The following KCNIP4 variants were observed in gnomAD, a reference collection of about 807,000 sequenced individuals.
The protein encoded by KCNIP4 is Kv channel-interacting protein 4.
KCNIP4 carries 12 observed loss-of-function variants against 34.0 expected under a neutral mutation model. That is an observed-to-expected ratio of 0.35 (90% CI 0.23 to 0.57). The LOEUF (loss-of-function observed/expected upper bound fraction) is 0.57, where lower values mean the gene tolerates loss of function less well. KCNIP4 is among the 20% of genes least tolerant of loss of function. KCNIP4 has a pLI of 0.83. For missense variants in KCNIP4, 238 were observed against 311.7 expected (o/e 0.76, Z 1.78); for synonymous variants, 124 against 102.2 (o/e 1.21, Z -1.29).
At chr4:21,496,054 G>A (rs979125615) in intron 1 of KCNIP4, among the ~76,000 whole-genome samples, 1 of 152,140 alleles carries the variant, frequency 6.6e-6, no homozygotes, top group African/African-American at 2.4e-5. Context: ...TGAGATAAAT[G>A]AATGTTTTAG....
chr4:21,107,847 C>T (rs1356322172), intron 1 of KCNIP4, among the ~76,000 whole-genome samples: 1 of 151,144 alleles, frequency 6.6e-6, no homozygotes, highest in Non-Finnish European at 1.5e-5. Context: ...TTTATTTCTC[C>T]TTCACTTATG....
chr4:21,589,197 T>TGC (rs1741934740), intron 1 of KCNIP4, among the ~76,000 whole-genome samples: 1 of 36,934 alleles, frequency 2.7e-5, no homozygotes, highest in Non-Finnish European at 5.7e-5. Context: ...TATATATATA[T>TGC]ATATGTGTAC....
At chr4:20,839,494 T>TTATATA (rs71181593) in intron 3 of KCNIP4, among the ~76,000 whole-genome samples, 35 of 124,164 alleles carry the variant, frequency 2.8e-4, no homozygotes, top group South Asian at 9.8e-4. Context: ...TATATCTATA[T>TTATATA]TATATATATA....
chr4:21,342,220 A>G (rs1716826785), intron 1 of KCNIP4, among the ~76,000 whole-genome samples: 1 of 151,994 alleles, frequency 6.6e-6, no homozygotes, highest in Non-Finnish European at 1.5e-5. Context: ...CAGACCCAGG[A>G]AGGTGGGATC....
intron 1 of KCNIP4, among the ~76,000 whole-genome samples, chr4:21,359,503 T>C (rs567514922): frequency 6.6e-6 from 1 of 152,114 alleles, no homozygotes; most frequent in Non-Finnish European, 1.5e-5. Context: ...CGAATGAGAG[T>C]AAGAAAGGCC....
intron 1 of KCNIP4, among the ~76,000 whole-genome samples, chr4:21,345,343 T>C (rs571317893): frequency 6.6e-6 from 1 of 152,242 alleles, no homozygotes; most frequent in African/African-American, 2.4e-5. Context: ...AACCAACAGT[T>C]TGTCTGCAAC....
intron 1 of KCNIP4, among the ~76,000 whole-genome samples, chr4:21,506,572 A>T (rs1054321509): frequency 6.6e-6 from 1 of 152,198 alleles, no homozygotes; most frequent in African/African-American, 2.4e-5. Context: ...ACATCCATTC[A>T]TGTTCCAACA....
rs1443502487 is a variant in KCNIP4, at chr4:21,087,148, G to GTGTA, written c.62-204440_62-204439insTACA. 3.5e-4 allele frequency among the ~76,000 whole-genome samples: 39 copies of GTGTA among 112,814 alleles called. 1 individual carries two copies. Among genetic ancestry groups the GTGTA allele is most frequent in the African/African-American group, 1.5e-3 (37 of 25,300 alleles). The allele number at this position is 112,814 out of a possible 152,430, so 74.0% of individuals were successfully genotyped here. A position where few individuals can be genotyped will look rare whatever the true frequency, so the allele number is the denominator to read the frequency against. ...GCATGCACCACCACTGCTGGGTAAT[G>GTGTA]TGTGTGTGTGTGTGTGTGTGTGTGT... On this transcript the variant is annotated intron_variant, in intron 1 of 8. Coordinates refer to ENST00000382152, the MANE Select transcript of KCNIP4 (RefSeq NM_025221.6).
intron 1 of KCNIP4, among the ~76,000 whole-genome samples, chr4:21,643,915 G>A (rs1037256597): frequency 7.1e-6 from 1 of 140,138 alleles, no homozygotes; most frequent in Non-Finnish European, 1.5e-5. Context: ...TAGATAGATA[G>A]ACTGGCAGAA....
intron 1 of KCNIP4, among the ~76,000 whole-genome samples, chr4:21,447,407 G>A (rs1728126578): frequency 1.3e-5 from 2 of 152,210 alleles, no homozygotes; most frequent in Admixed American, 1.3e-4. Context: ...CAGGCATCTG[G>A]ACTCCAGAAT....
At chr4:20,755,449 GTCATTCAT>G (rs1754322736) in intron 4 of KCNIP4, among the ~76,000 whole-genome samples, 1 of 152,190 alleles carries the variant, frequency 6.6e-6, no homozygotes, top group Non-Finnish European at 1.5e-5. Flanking sequence ...TGAGGTGGGT[GTCATTCAT>G]TCATTCATGC....
intron 1 of KCNIP4, among the ~76,000 whole-genome samples, chr4:21,925,768 G>A (rs906161048): frequency 3.1e-4 from 47 of 152,162 alleles, no homozygotes; most frequent in African/African-American, 7.2e-4. Context: ...AATATCTAGC[G>A]GTCCACTATA....
chr4:21,683,071 G>T (rs1750506952), intron 1 of KCNIP4, among the ~76,000 whole-genome samples: 1 of 152,148 alleles, frequency 6.6e-6, no homozygotes, highest in African/African-American at 2.4e-5. Flanking sequence ...TCTGAGAAGT[G>T]CAATAAAGCA....
At position 20,869,027 on chromosome 4, in the gene KCNIP4, A is replaced by G. The variant is rs1307953062; in HGVS notation, c.163+13581T>C. Among the ~76,000 whole-genome samples, 4 of 152,274 alleles carry G rather than the reference A, an allele frequency of 2.6e-5. No individual in the cohort carries two copies. In the East Asian group the frequency reaches 5.8e-4, roughly 22 times the overall value. On this transcript the variant is annotated intron_variant, in intron 2 of 8. Coordinates refer to ENST00000382152, the MANE Select transcript of KCNIP4 (RefSeq NM_025221.6). ...AGATAGACATACAGGTAATGTATTTATGCAAAATATCATGCCTAATTCATA... is the reference window on the plus strand; with the variant it reads ...AGATAGACATACAGGTAATGTATTTGTGCAAAATATCATGCCTAATTCATA...
intron 1 of KCNIP4, among the ~76,000 whole-genome samples, chr4:21,248,058 A>ATG (rs1442795273): frequency 2.0e-4 from 13 of 65,864 alleles, no homozygotes; most frequent in African/African-American, 8.8e-4. Context: ...GCATATATAT[A>ATG]TATGTGTGTG....
At chr4:20,912,205 T>G (rs1728391711) in intron 1 of KCNIP4, among the ~76,000 whole-genome samples, 1 of 152,170 alleles carries the variant, frequency 6.6e-6, no homozygotes, top group Non-Finnish European at 1.5e-5. Flanking sequence ...AGATATGTTT[T>G]TAAAACTCAG....
At chr4:21,548,128 C>A (rs1015260145) in intron 1 of KCNIP4, among the ~76,000 whole-genome samples, 2 of 151,986 alleles carry the variant, frequency 1.3e-5, no homozygotes, top group African/African-American at 2.4e-5. Context: ...TTCAGGGTAA[C>A]CAAGGAGCAC....
intron 1 of KCNIP4, among the ~76,000 whole-genome samples, chr4:21,323,730 C>T (rs1026542999): frequency 5.3e-5 from 8 of 151,922 alleles, no homozygotes; most frequent in African/African-American, 1.4e-4. Flanking sequence ...AATATGGGAG[C>T]GCAGATATCT....
intron 1 of KCNIP4, among the ~76,000 whole-genome samples, chr4:21,053,010 T>TACAC (rs548441726): frequency 6.6e-6 from 1 of 150,390 alleles, no homozygotes; most frequent in African/African-American, 2.4e-5. Flanking sequence ...AAGATATGTA[T>TACAC]ACACACACAC....
Sources: allele counts gnomAD v4.1 joint callset (sites outside exome capture counted in the v4.1 genomes callset), GRCh38; gene constraint gnomAD v4.1.1; transcripts MANE v1.5; gene names NCBI Gene and HGNC (gene_info 2026-07-23, HGNC 2026-07-21).